SAMMSON: variants seen among roughly 807,000 people sequenced by gnomAD.
The protein encoded by SAMMSON is long intergenic non-protein coding RNA 1212.
chr3:70,133,337 C>T (rs994834313), intron 4 of SAMMSON, among the ~76,000 whole-genome samples: 5 of 152,154 alleles, frequency 3.3e-5, no homozygotes, highest in Non-Finnish European at 7.4e-5. Context: ...AGAGAGCTTC[C>T]GAGCTGCTGA....
At chr3:70,015,909 C>A (rs2066982971) in intron 3 of SAMMSON, among the ~76,000 whole-genome samples, 1 of 152,134 alleles carries the variant, frequency 6.6e-6, no homozygotes, top group Admixed American at 6.5e-5. Context: ...TTTTTTATGG[C>A]TGCGTAGTAT....
At chr3:70,306,216 G>T (rs1702398760) in intron 7 of SAMMSON, among the ~76,000 whole-genome samples, 3 of 152,138 alleles carry the variant, frequency 2.0e-5, no homozygotes, top group African/African-American at 2.4e-5. Flanking sequence ...TGATTCTCCT[G>T]CCTCAGACTC....
intron 2 of SAMMSON, among the ~76,000 whole-genome samples, chr3:70,433,973 AAGCTCCCTATT>A: frequency 6.6e-6 from 1 of 152,148 alleles, no homozygotes; most frequent in Non-Finnish European, 1.5e-5. Flanking sequence ...GTAAGCTACT[AAGCTCCCTATT>A]CTGTTCCATT....
intron 2 of SAMMSON, among the ~76,000 whole-genome samples, chr3:70,407,252 T>C (rs1701184438): frequency 6.6e-6 from 1 of 152,108 alleles, no homozygotes; most frequent in African/African-American, 2.4e-5. Flanking sequence ...CTACCCCTTG[T>C]CCCTCCAAAT....
At chr3:70,311,901 A>G (rs1702457153) in intron 7 of SAMMSON, 1 of 397,732 alleles carries the variant, frequency 2.5e-6, no homozygotes, top group Non-Finnish European at 4.4e-6. Context: ...TTCAACCAAG[A>G]AATGTTATTT....
At chr3:70,313,935 C>T (rs1468045435) in intron 7 of SAMMSON, among the ~76,000 whole-genome samples, 1 of 152,098 alleles carries the variant, frequency 6.6e-6, no homozygotes, top group East Asian at 1.9e-4. Flanking sequence ...CTTGAAGGTT[C>T]CTAACATTTT....
At chr3:70,395,356 T>C (rs1158474405) in intron 2 of SAMMSON, among the ~76,000 whole-genome samples, 1 of 146,526 alleles carries the variant, frequency 6.8e-6, no homozygotes, top group Non-Finnish European at 1.5e-5. Flanking sequence ...TTTTGTGTTG[T>C]TGTTGTTGCT....
chr3:70,119,033 AT>A (rs914280890), intron 4 of SAMMSON, among the ~76,000 whole-genome samples: 1 of 151,952 alleles, frequency 6.6e-6, no homozygotes, highest in African/African-American at 2.4e-5. Flanking sequence ...TGTTCATGTC[AT>A]TGGGGTTTTG....
At chr3:70,219,390 G>A (rs546051114) in intron 4 of SAMMSON, among the ~76,000 whole-genome samples, 5 of 152,100 alleles carry the variant, frequency 3.3e-5, no homozygotes, top group Non-Finnish European at 5.9e-5. Context: ...AAATTAGGCT[G>A]TTAAGTTTTT....
At chr3:70,246,742 A>G (rs6549303) in intron 4 of SAMMSON, among the ~76,000 whole-genome samples, 148,910 of 152,064 alleles carry the variant, frequency 0.98, 72,983 homozygotes, top group East Asian at 1. Context: ...CGAAAGCAAG[A>G]CTTTGTGTAT....
chr3:70,270,250 G>A (rs549911039), intron 6 of SAMMSON, among the ~76,000 whole-genome samples: 46 of 152,232 alleles, frequency 3.0e-4, no homozygotes, highest in African/African-American at 1.1e-3. Flanking sequence ...GTTCTTTCAA[G>A]TTTCTAAGGT....
At chr3:70,247,385 T>C (rs1316456650) in intron 4 of SAMMSON, among the ~76,000 whole-genome samples, 1 of 151,960 alleles carries the variant, frequency 6.6e-6, no homozygotes, top group Non-Finnish European at 1.5e-5. Context: ...TAGTGAATAA[T>C]TTTTTTAAAG....
intron 6 of SAMMSON, chr3:70,272,147 G>A (rs1267763148): frequency 1.3e-5 from 2 of 152,142 alleles, no homozygotes; most frequent in African/African-American, 4.8e-5. Context: ...TTTGTCCGAA[G>A]TATATGTAAT....
At chr3:70,286,756 C>T (rs1167450534) in intron 6 of SAMMSON, among the ~76,000 whole-genome samples, 2 of 152,086 alleles carry the variant, frequency 1.3e-5, no homozygotes. Context: ...TTGTAGTTCT[C>T]CTTGAAGAGG....
chr3:70,009,030 AT>A (rs762608811), intron 1 of SAMMSON: 17 of 152,188 alleles, frequency 1.1e-4, no homozygotes, highest in Non-Finnish European at 2.1e-4. Context: ...GTGCTGCTGG[AT>A]TTGGTTTGCC....
intron 4 of SAMMSON, among the ~76,000 whole-genome samples, chr3:70,217,144 T>G (rs1359078301): frequency 6.6e-6 from 1 of 152,132 alleles, no homozygotes; most frequent in Admixed American, 6.6e-5. Flanking sequence ...AGTTTGTCTG[T>G]GTCAATTAAC....
chr3:70,297,288 T>A (rs1702300220), intron 7 of SAMMSON, among the ~76,000 whole-genome samples: 1 of 152,050 alleles, frequency 6.6e-6, no homozygotes, highest in East Asian at 1.9e-4. Context: ...AGCCTATCTG[T>A]TTACTTAAAT....
chr3:70,055,604 C>T (rs1014496954), intron 3 of SAMMSON, among the ~76,000 whole-genome samples: 4 of 152,072 alleles, frequency 2.6e-5, no homozygotes, highest in Non-Finnish European at 5.9e-5. Flanking sequence ...TATAAAAGTT[C>T]TCAAATTTAT....
At chr3:70,418,997 CTCTCTT>C (rs1194419468) in intron 2 of SAMMSON, among the ~76,000 whole-genome samples, 5 of 101,968 alleles carry the variant, frequency 4.9e-5, no homozygotes, top group Admixed American at 2.2e-4. Context: ...CTCTCTCTCT[CTCTCTT>C]TCTTTCTTTC....
Sources: gnomAD v4.1 joint callset for allele counts (sites outside exome capture counted in the v4.1 genomes callset) on GRCh38, gnomAD v4.1.1 for gene constraint, MANE v1.5 for transcripts, NCBI Gene and HGNC (gene_info 2026-07-23, HGNC 2026-07-21) for gene names.